Variants in SKA2 observed in about 807,000 individuals in gnomAD.
SKA2 encodes the protein spindle and kinetochore-associated protein 2.
A neutral mutation model predicts 16.9 loss-of-function variants in SKA2; 13 were observed. That is an observed-to-expected ratio of 0.77 (90% CI 0.50 to 1.22). The LOEUF is 1.22. Among genes scored for constraint, SKA2 ranks in the 50% most tolerant of loss-of-function variants. The pLI is 0.00. For missense variants in SKA2, 107 were observed against 139.7 expected, an observed-to-expected ratio of 0.77 and a Z score of 1.18; for synonymous variants, 47 against 48.5, an observed-to-expected ratio of 0.97 and a Z score of 0.13.
chr17:59,138,042 T>C (rs576327217), intron 1 of SKA2, among the ~76,000 whole-genome samples: 3 of 152,286 alleles, frequency 2.0e-5, no homozygotes, highest in Non-Finnish European at 4.4e-5. Flanking sequence ...ATTGTTTAAC[T>C]TTTTAGGGGC....
At chr17:59,149,601 C>T (rs1367027888) in intron 1 of SKA2, among the ~76,000 whole-genome samples, 1 of 152,124 alleles carries the variant, frequency 6.6e-6, no homozygotes, top group African/African-American at 2.4e-5. Context: ...GAATTCGAGA[C>T]CAACCACAGC....
intron 1 of SKA2, among the ~76,000 whole-genome samples, chr17:59,137,246 G>A (rs73319259): frequency 0.022 from 3,416 of 152,230 alleles, 149 homozygotes; most frequent in African/African-American, 0.076. Context: ...TTGAACTCCT[G>A]AGCTCAAACA....
At chr17:59,149,480 T>G (rs1274940770) in intron 1 of SKA2, among the ~76,000 whole-genome samples, 5 of 151,994 alleles carry the variant, frequency 3.3e-5, no homozygotes, top group Admixed American at 3.3e-4. Flanking sequence ...CACTCCAGCC[T>G]GGGTGACAGT....
chr17:59,135,417 G>C (rs1462844137), intron 1 of SKA2, among the ~76,000 whole-genome samples: 2 of 150,144 alleles, frequency 1.3e-5, no homozygotes, highest in Non-Finnish European at 3.0e-5. Context: ...CCCGGGTTCA[G>C]GCAATTCTCC....
intron 1 of SKA2, among the ~76,000 whole-genome samples, chr17:59,141,258 A>G (rs540214908): frequency 1.1e-4 from 16 of 152,166 alleles, no homozygotes; most frequent in African/African-American, 3.6e-4. Flanking sequence ...TTGGCTGGGT[A>G]TAGTGGCGTG....
chr17:59,143,399 T>C (rs2046507585), intron 1 of SKA2, among the ~76,000 whole-genome samples: 1 of 152,156 alleles, frequency 6.6e-6, no homozygotes, highest in African/African-American at 2.4e-5. Flanking sequence ...TGTTTTAATT[T>C]GAGTCAGAGT....
intron 2 of SKA2, among the ~76,000 whole-genome samples, chr17:59,122,962 G>A (rs1286885652): frequency 1.3e-5 from 2 of 148,754 alleles, no homozygotes; most frequent in Non-Finnish European, 1.5e-5. Context: ...TCCCTATGTT[G>A]GCCAGGCTGG....
chr17:59,110,914 C>T lies in SKA2; in HGVS notation c.*1363G>A, dbSNP rs1350002810. 1.3e-5 allele frequency: 2 copies of T among 150,700 alleles called. No individual in the cohort carries two copies. The highest frequency in any genetic ancestry group is 6.6e-5 in the Admixed American group (1 of 15,114). 9.3% of individuals were successfully genotyped at this position (150,700 alleles called of 1,614,324 possible). On this transcript the variant is annotated 3_prime_UTR_variant, in exon 4 of 4. Transcript: ENST00000330137. The stretch of plus-strand genomic sequence containing the variant: ...TATTATAAGTTTGTTAATGGACAAA[C>T]ATGTTCATAACTGAAATTTTAAAAT...
In SKA2 at chr17:59,119,399, C is replaced by G; in HGVS notation, c.217G>C (p.Glu73Gln). 6.2e-7 allele frequency: 1 copy of G among 1,613,972 alleles called. No homozygotes were observed. The highest frequency in any genetic ancestry group is 8.5e-7 in the Non-Finnish European group (1 of 1,179,888). Residue 73 changes from glutamate to glutamine, a missense_variant, in exon 3 of 4, where the codon GAG becomes CAG. Coordinates refer to ENST00000330137, the MANE Select transcript of SKA2 (RefSeq NM_182620.4). ...GTAGCACAAATGCGGCTCTTACTCT[C>G]TTTCTGCTCAACAGCAACTGGTTTA... ...RFKPVAVEQKESKSRICATVK... is the reference protein window; with the variant it reads ...RFKPVAVEQKQSKSRICATVK...
At position 59,119,414 on chromosome 17, in the gene SKA2, C is replaced by G; in HGVS notation, c.202G>C (p.Ala68Pro). The G allele has an allele frequency of 1.9e-6, 3 of 1,613,950 alleles. No individual in the cohort carries two copies. The highest frequency in any genetic ancestry group is 2.5e-6 in the Non-Finnish European group (3 of 1,179,870). The change falls in exon 3 of 4, where the codon GCT becomes CCT. Residue 68 changes from alanine (A) to proline (P), a missense_variant. Transcript: ENST00000330137. ...QTLYARFKPV[A>P]VEQKESKSRI... ...CTCTTACTCTCTTTCTGCTCAACAG[C>G]AACTGGTTTAAAGCGGGCATACAAA...
chr17:59,148,650 T>C (rs180709490), intron 1 of SKA2, among the ~76,000 whole-genome samples: 1 of 151,166 alleles, frequency 6.6e-6, no homozygotes, highest in East Asian at 1.9e-4. Flanking sequence ...ACAAAAAAAA[T>C]TTTTTTAATT....
chr17:59,132,359 C>CA (rs61261962), intron 1 of SKA2, among the ~76,000 whole-genome samples: 32,951 of 141,458 alleles, frequency 0.23, 3,620 homozygotes, highest in Non-Finnish European at 0.25. Flanking sequence ...TCCGTCTCCA[C>CA]AAAAAAAAAA....
At chr17:59,149,870 G>A (rs1195607432) in intron 1 of SKA2, among the ~76,000 whole-genome samples, 1 of 152,126 alleles carries the variant, frequency 6.6e-6, no homozygotes, top group Non-Finnish European at 1.5e-5. Flanking sequence ...AGGGACTTGG[G>A]GAAGAAGAGG....
chr17:59,153,819 C>A (rs568476317), intron 1 of SKA2, among the ~76,000 whole-genome samples: 1 of 151,924 alleles, frequency 6.6e-6, no homozygotes, highest in African/African-American at 2.4e-5. Flanking sequence ...GTCGCAAGGC[C>A]GGAGTACAGT....
At chr17:59,119,611 G>T in intron 2 of SKA2, 116 bp from the exon 3 acceptor site, 1 of 928,430 alleles carries the variant, frequency 1.1e-6, no homozygotes, top group Non-Finnish European at 1.6e-6. Context: ...ACACTGTTGA[G>T]TATTTAATTA....
intron 2 of SKA2, among the ~76,000 whole-genome samples, chr17:59,124,938 T>C (rs1286695873): frequency 1.3e-5 from 2 of 151,962 alleles, no homozygotes; most frequent in Non-Finnish European, 2.9e-5. Context: ...ATAGCCTGTT[T>C]TATTTGAGTA....
chr17:59,123,021 C>CAAAAA (rs1197154280), intron 2 of SKA2, among the ~76,000 whole-genome samples: 108 of 45,770 alleles, frequency 2.4e-3, no homozygotes, highest in Middle Eastern at 0.014. Context: ...AACCTTGTCT[C>CAAAAA]AAAAAAAAAA....
intron 2 of SKA2, among the ~76,000 whole-genome samples, chr17:59,130,114 A>G (rs934308640): frequency 2.0e-5 from 3 of 152,096 alleles, no homozygotes; most frequent in Non-Finnish European, 4.4e-5. Flanking sequence ...GAGCTAGAAC[A>G]GTACAAACTA....
chr17:59,144,198 A>G (rs1229836326), intron 1 of SKA2, among the ~76,000 whole-genome samples: 1 of 151,976 alleles, frequency 6.6e-6, no homozygotes, highest in African/African-American at 2.4e-5. Context: ...TCTCAAGGAA[A>G]AAAAGTGTTT....
Sources: allele counts gnomAD v4.1 joint callset (sites outside exome capture counted in the v4.1 genomes callset), GRCh38; gene constraint gnomAD v4.1.1; transcripts MANE v1.5; gene names NCBI Gene and HGNC (gene_info 2026-07-23, HGNC 2026-07-21).